The following NAV2 variants were observed in gnomAD, a reference collection of about 807,000 sequenced individuals.
NAV2 encodes the protein neuron navigator 2.
NAV2 carries 54 observed loss-of-function variants against 223.2 expected under a neutral mutation model. The ratio of observed to expected loss-of-function variants is 0.24; its 90% CI spans 0.19 to 0.30. The LOEUF (loss-of-function observed/expected upper bound fraction) is 0.30. Ranked by LOEUF, NAV2 falls within the 10% of genes least tolerant of loss-of-function variation. The pLI is 1.00. For synonymous variants in NAV2, 1,279 were observed against 1,239.3 expected, an observed-to-expected ratio of 1.03 and a Z score of -0.67; for missense variants, 2,806 against 3,147.5, an observed-to-expected ratio of 0.89 and a Z score of 2.60.
At position 20,023,071 on chromosome 11, in the gene NAV2, T is replaced by TTGTCCGC. The variant is rs2054652637; in HGVS notation, c.2769-12884_2769-12878dup. On this transcript the variant is annotated intron_variant, in intron 11 of 37. Transcript: ENST00000349880. ...ATCCTGTGAGATTCATTCAGCTTCT[T>TTGTCCGC]TGTCCGCTGTTCTCCAAGGGCCGCA... 25 of 1,551,568 alleles carry TTGTCCGC rather than the reference T, an allele frequency of 1.6e-5. No individual in the cohort carries two copies. The East Asian group carries it at 5.9e-4, about 36-fold the overall frequency.
At chr11:20,115,987 C>T (rs1294748291) in intron 37 of NAV2, among the ~76,000 whole-genome samples, 3 of 152,120 alleles carry the variant, frequency 2.0e-5, no homozygotes, top group Admixed American at 6.6e-5. Flanking sequence ...CAATATAAGA[C>T]CCACACAGAG....
At chr11:19,923,799 G>A (rs957640229) in intron 6 of NAV2, among the ~76,000 whole-genome samples, 2 of 152,134 alleles carry the variant, frequency 1.3e-5, no homozygotes, top group African/African-American at 4.8e-5. Context: ...AGCCAATTTT[G>A]TACTTTCTTA....
intron 1 of NAV2, among the ~76,000 whole-genome samples, chr11:19,552,108 T>C (rs957264401): frequency 1.3e-5 from 2 of 151,944 alleles, no homozygotes; most frequent in African/African-American, 2.4e-5. Context: ...CCTGGGCCCC[T>C]GGAGAAGGCA....
intron 1 of NAV2, among the ~76,000 whole-genome samples, chr11:19,377,447 T>G (rs1427041659): frequency 6.6e-6 from 1 of 152,182 alleles, no homozygotes; most frequent in African/African-American, 2.4e-5. Flanking sequence ...TCTCAGCTCC[T>G]GCAGAGCCCC....
At chr11:20,016,856 A>AAAG (rs60149749) in intron 11 of NAV2, among the ~76,000 whole-genome samples, 17 of 122,246 alleles carry the variant, frequency 1.4e-4, no homozygotes, top group African/African-American at 5.0e-4. Flanking sequence ...AAAAAAAAAA[A>AAAG]TTAGCCAGGT....
At chr11:19,456,157 G>A (rs1327895063) in intron 1 of NAV2, among the ~76,000 whole-genome samples, 4 of 152,184 alleles carry the variant, frequency 2.6e-5, no homozygotes, top group East Asian at 1.9e-4. Flanking sequence ...AAACATAACC[G>A]GAAGCCCCTG....
chr11:19,675,290 T>G (rs908538098), intron 1 of NAV2, among the ~76,000 whole-genome samples: 1 of 152,190 alleles, frequency 6.6e-6, no homozygotes, highest in Non-Finnish European at 1.5e-5. Context: ...TATTATTCCT[T>G]TTTCCCAGTC....
rs527581877 is a variant in NAV2 at position 19,735,198 on chromosome 11, G to T, written c.267+21236G>T. Among the ~76,000 whole-genome samples, 5 of 152,158 alleles carry T rather than the reference G, an allele frequency of 3.3e-5. No individual in the cohort carries two copies. The East Asian group carries it at 7.7e-4, about 23-fold the overall frequency. ...TGTGAACAACTCCAGAAGACATAAA[G>T]CTTCTCCATGGGCTTTGGGTGAAGC... On this transcript the variant is annotated intron_variant, in intron 1 of 37. Coordinates refer to ENST00000349880, the MANE Select transcript of NAV2 (RefSeq NM_145117.5).
intron 1 of NAV2, among the ~76,000 whole-genome samples, chr11:19,675,001 CAA>C (rs2048675499): frequency 6.6e-6 from 1 of 152,188 alleles, no homozygotes; most frequent in Non-Finnish European, 1.5e-5. Context: ...TAGCAGAGAT[CAA>C]GAGCCTGAGT....
intron 1 of NAV2, among the ~76,000 whole-genome samples, chr11:19,682,172 T>TA (rs1473244329): frequency 2.0e-5 from 3 of 152,084 alleles, no homozygotes; most frequent in African/African-American, 7.2e-5. Flanking sequence ...TCTGTTGACT[T>TA]ATGTAGATTG....
intron 4 of NAV2, among the ~76,000 whole-genome samples, chr11:19,869,639 G>A (rs1349301450): frequency 1.3e-5 from 2 of 152,162 alleles, no homozygotes; most frequent in Non-Finnish European, 2.9e-5. Context: ...TCTCCTGTTT[G>A]TAAATACAAG....
chr11:19,417,786 A>C (rs543320957), intron 1 of NAV2, among the ~76,000 whole-genome samples: 5 of 152,342 alleles, frequency 3.3e-5, no homozygotes, highest in African/African-American at 1.2e-4. Flanking sequence ...AACACTATGC[A>C]GCCATAAAAA....
chr11:19,657,123 G>A (rs796330426), intron 1 of NAV2, among the ~76,000 whole-genome samples: 2 of 152,264 alleles, frequency 1.3e-5, no homozygotes, highest in African/African-American at 2.4e-5. Flanking sequence ...AGAGTTTGAG[G>A]CTGGGGGTGT....
chr11:19,569,767 G>A (rs994587418), intron 1 of NAV2, among the ~76,000 whole-genome samples: 3 of 152,172 alleles, frequency 2.0e-5, no homozygotes, highest in African/African-American at 4.8e-5. Context: ...TGATTACAAT[G>A]TGATGCTCCC....
chr11:19,904,474 T>C (rs1446705149), intron 6 of NAV2, among the ~76,000 whole-genome samples: 1 of 152,212 alleles, frequency 6.6e-6, no homozygotes, highest in Non-Finnish European at 1.5e-5. Flanking sequence ...CTTAATTCTC[T>C]GGACTAGGTA....
rs2045578509 is a variant in NAV2, at chr11:19,933,527, A to T, written c.1283A>T (p.Glu428Val). ...CCGGGGTCCCGGGACACAAGCTGTGAGCGGCTGGAGACTCTGCCCAGCTTC... is the reference window on the plus strand; with the variant it reads ...CCGGGGTCCCGGGACACAAGCTGTGTGCGGCTGGAGACTCTGCCCAGCTTC... ...EGPGSRDTSC[E>V]RLETLPSFEE... is the part of the protein sequence containing the mutation. The change falls in exon 7 of 38, where the codon GAG becomes GTG. Residue 428 changes from glutamate (E) to valine (V), a missense_variant. Coordinates refer to ENST00000349880, the MANE Select transcript of NAV2 (RefSeq NM_145117.5). This position sits in a 1 kb window ranked among gnomAD's most constrained non-coding sequence, Gnocchi z 4.3. The T allele has an allele frequency of 6.2e-7, 1 of 1,609,922 alleles. No individual in the cohort carries two copies. The highest frequency in any genetic ancestry group is 1.3e-5 in the African/African-American group (1 of 74,686).
chr11:19,732,873 A>T (rs899832890), intron 1 of NAV2, among the ~76,000 whole-genome samples: 2 of 152,160 alleles, frequency 1.3e-5, no homozygotes, highest in Non-Finnish European at 2.9e-5. Context: ...CACACCAACT[A>T]TTCTTCCTTT....
At chr11:19,670,560 T>C (rs1224121314) in intron 1 of NAV2, among the ~76,000 whole-genome samples, 1 of 152,210 alleles carries the variant, frequency 6.6e-6, no homozygotes, top group Non-Finnish European at 1.5e-5. Flanking sequence ...CATCTGAGGC[T>C]GCTGAGGGTG....
intron 11 of NAV2, among the ~76,000 whole-genome samples, chr11:20,034,233 A>G (rs1278753620): frequency 1.2e-4 from 3 of 25,114 alleles, no homozygotes; most frequent in Non-Finnish European, 2.5e-4. Flanking sequence ...TGCCTGTACA[A>G]TAGAAAAACA....
Sources: gnomAD v4.1 joint callset for allele counts (sites outside exome capture counted in the v4.1 genomes callset) on GRCh38, gnomAD v4.1.1 for gene constraint, Gnocchi (gnomAD v3.1) non-coding constraint, MANE v1.5 for transcripts, NCBI Gene and HGNC (gene_info 2026-07-23, HGNC 2026-07-21) for gene names.